The following RNFT2 variants were observed in gnomAD, a reference collection of about 807,000 sequenced individuals.
RNFT2 encodes ring finger protein, transmembrane 2, also known as E3 ubiquitin-protein ligase RNFT2.
RNFT2 carries 36 observed loss-of-function variants against 53.0 expected under a neutral mutation model. The observed-to-expected ratio is 0.68, with a 90% CI of 0.52 to 0.90. RNFT2 has a LOEUF of 0.90. RNFT2 is among the 40% of genes least tolerant of loss of function. RNFT2 has a pLI of 0.00. For missense variants in RNFT2, 514 were observed against 585.6 expected (o/e 0.88, Z 1.26); for synonymous variants, 260 against 253.2 (o/e 1.03, Z -0.26).
At chr12:116,749,794 T>C in intron 3 of RNFT2, 47 bp from the exon 4 acceptor site, 1 of 1,523,698 alleles carries the variant, frequency 6.6e-7, no homozygotes, top group Non-Finnish European at 8.9e-7. Context: ...AGTAAGGTCT[T>C]TTCCATCTGC....
chr12:116,802,428 G>A (rs1034785872), intron 7 of RNFT2, among the ~76,000 whole-genome samples: 1 of 152,160 alleles, frequency 6.6e-6, no homozygotes, highest in Non-Finnish European at 1.5e-5. Flanking sequence ...CATTGTCTGT[G>A]ACTTTCACTG....
intron 7 of RNFT2, among the ~76,000 whole-genome samples, chr12:116,789,422 G>C (rs1295300856): frequency 3.3e-5 from 5 of 149,348 alleles, no homozygotes; most frequent in Non-Finnish European, 5.9e-5. Context: ...GTAGGAGAGT[G>C]GTGGGTGGAT....
intron 7 of RNFT2, among the ~76,000 whole-genome samples, chr12:116,794,126 A>G (rs1016631922): frequency 5.3e-5 from 8 of 152,182 alleles, no homozygotes; most frequent in Admixed American, 2.0e-4. Flanking sequence ...GTATCCAAGC[A>G]TAGTGTCATG....
intron 10 of RNFT2, among the ~76,000 whole-genome samples, chr12:116,848,425 C>A (rs1422847902): frequency 6.6e-6 from 1 of 152,134 alleles, no homozygotes; most frequent in Non-Finnish European, 1.5e-5. Flanking sequence ...CATATCAGGT[C>A]ACTCCTCTGC....
rs1408163866 is a variant in RNFT2 at position 116,750,313 on chromosome 12, T to C, written c.550+6T>C. ...GTGCTTTCAGCATAAGCTCGGTGAG[T>C]TCTGGGGGCATGGGTGTCCTAGCCA... On this transcript the variant is annotated splice_donor_region_variant and intron_variant, in intron 4 of 10. Transcript: ENST00000257575. 2 of 1,592,178 alleles carry C rather than the reference T, an allele frequency of 1.3e-6. No homozygotes were observed. Among genetic ancestry groups the C allele is most frequent in the Admixed American group, 3.4e-5 (2 of 58,806 alleles).
In RNFT2 at chr12:116,782,079, C is replaced by CAAAAAAAAAAAGAAAAAAAAA. The variant is rs1873735985; in HGVS notation, c.882+2742_882+2743insGAAAAAAAAAAAAAAAAAAAA. On this transcript the variant is annotated intron_variant, in intron 7 of 10. Transcript: ENST00000257575. The stretch of plus-strand genomic sequence containing the variant: ...GGGCGACAGAGCGAGACTCCGTCTC[C>CAAAAAAAAAAAGAAAAAAAAA]AAAAAAAAAAAAAAATGTGGACATC... The CAAAAAAAAAAAGAAAAAAAAA allele has an allele frequency of 5.8e-5, 2 of 34,348 alleles. 1 individual carries two copies. Among genetic ancestry groups the CAAAAAAAAAAAGAAAAAAAAA allele is most frequent in the Non-Finnish European group, 1.1e-4 (2 of 18,708 alleles). The allele number at this position is 34,348 out of a possible 1,614,324, so 2.1% of individuals were successfully genotyped here.
In RNFT2 at chr12:116,753,148, C is replaced by CTTTTTTTTTTTTTTT. The variant is rs11377177; in HGVS notation, c.551-830_551-816dup. The stretch of plus-strand genomic sequence containing the variant: ...TTTTTTCTTTTTCTTTTTTCTTTTT[C>CTTTTTTTTTTTTTTT]TTTTTTTTTTTTTTTTTTTTGAGAC... On this transcript the variant is annotated intron_variant, in intron 4 of 10. Coordinates refer to ENST00000257575, the MANE Select transcript of RNFT2 (RefSeq NM_001382266.1). Among the ~76,000 whole-genome samples, 150 of 93,672 alleles carry CTTTTTTTTTTTTTTT rather than the reference C, an allele frequency of 1.6e-3. 2 individuals are homozygous for CTTTTTTTTTTTTTTT. The highest frequency in any genetic ancestry group is 2.3e-3 in the African/African-American group (52 of 22,748). The allele number at this position is 93,672 out of a possible 152,430, so 61.5% of individuals were successfully genotyped here.
chr12:116,786,401 G>C (rs879786232), intron 7 of RNFT2, among the ~76,000 whole-genome samples: 1 of 152,094 alleles, frequency 6.6e-6, no homozygotes, highest in Admixed American at 6.6e-5. Context: ...ATGAGCCACC[G>C]CGCCCGGCCG....
At chr12:116,756,396 A>C (rs1469642168) in intron 5 of RNFT2, among the ~76,000 whole-genome samples, 1 of 152,068 alleles carries the variant, frequency 6.6e-6, no homozygotes, top group African/African-American at 2.4e-5. Flanking sequence ...CCGTTGGTGT[A>C]TAAAAGAGCT....
chr12:116,749,095 A>AC (rs1325685946), intron 3 of RNFT2, among the ~76,000 whole-genome samples: 3 of 152,110 alleles, frequency 2.0e-5, no homozygotes, highest in African/African-American at 7.2e-5. Context: ...AAAGTACCAC[A>AC]CCCCAGGGGG....
intron 6 of RNFT2, 139 bp downstream of exon 6, chr12:116,767,053 T>C: frequency 3.3e-6 from 2 of 604,520 alleles, no homozygotes; most frequent in Non-Finnish European, 6.0e-6. Flanking sequence ...CTGTTACTAC[T>C]TATATATATC....
At chr12:116,811,074 A>G (rs987560) in intron 7 of RNFT2, among the ~76,000 whole-genome samples, 140,414 of 152,148 alleles carry the variant, frequency 0.92, 64,821 homozygotes, top group East Asian at 0.94. Context: ...TCCCTTCTCC[A>G]TGCCTCAGTT....
At chr12:116,741,243 G>A (rs1344704156) in intron 3 of RNFT2, 149 bp downstream of exon 3, 1 of 660,370 alleles carries the variant, frequency 1.5e-6, no homozygotes, top group Non-Finnish European at 2.7e-6. Context: ...ACGCATAATA[G>A]CTTGCTCTTT....
Position 116,791,486 on chromosome 12 carries a change from A to G in RNFT2, c.882+12138A>G, listed in dbSNP as rs147718121. On this transcript the variant is annotated intron_variant, in intron 7 of 10. Coordinates refer to ENST00000257575, the MANE Select transcript of RNFT2 (RefSeq NM_001382266.1). ...GCCACCAGGCCTGGCTAATGTTTGT[A>G]TTTTAGAGAGATGGGGTTTCGCCAT... Among the ~76,000 whole-genome samples the G allele has an allele frequency of 1.2e-4, 18 of 152,032 alleles. No homozygotes were observed. In the East Asian group the frequency reaches 3.3e-3, roughly 28 times the overall value.
Position 116,833,821 on chromosome 12 carries a change from G to A in RNFT2, c.912G>A (p.Leu304=), listed in dbSNP as rs1018325903. The change falls in exon 8 of 11, where the codon CTG becomes CTA. Residue 304 remains leucine, a synonymous_variant. Coordinates refer to ENST00000257575, the MANE Select transcript of RNFT2 (RefSeq NM_001382266.1). ...KGKFYLVIEE[L]SQLFRSLVPI... ...AGTTCTATCTGGTCATCGAGGAGCT[G>A]AGCCAGCTGTTCCGATCCCTTGTCC... 1.2e-6 allele frequency: 2 copies of A among 1,613,246 alleles called. No individual in the cohort carries two copies. Among genetic ancestry groups the A allele is most frequent in the Admixed American group, 1.7e-5 (1 of 59,970 alleles).
chr12:116,776,150 T>C (rs1431413007), intron 6 of RNFT2, among the ~76,000 whole-genome samples: 6 of 152,136 alleles, frequency 3.9e-5, no homozygotes. Context: ...TAGAAATGAT[T>C]GGACTTGATG....
intron 7 of RNFT2, among the ~76,000 whole-genome samples, chr12:116,787,394 G>A (rs11068187): frequency 0.089 from 13,578 of 152,174 alleles, 1,691 homozygotes; most frequent in African/African-American, 0.28. Flanking sequence ...TAACAGTAGC[G>A]TTCTTTAGAT....
rs1055855854 is a variant in RNFT2, at chr12:116,824,873, T to G, written c.883-8919T>G. 2.0e-5 allele frequency among the ~76,000 whole-genome samples: 3 copies of G among 152,184 alleles called. No homozygotes were observed. The South Asian group carries it at 6.2e-4, about 32-fold the overall frequency. On this transcript the variant is annotated intron_variant, in intron 7 of 10. Transcript: ENST00000257575. ...AGGGCTTCAACAAAGGAACTTGAGG[T>G]GGGCACAGTTCAGTCTATAGCACCA...
In RNFT2 at chr12:116,766,929, C is replaced by T. The variant is rs754947352; in HGVS notation, c.728+15C>T. ...CTGTACAACAGGTGAGCATGGGAATCCAACCCCCACGGTGGGAGAGTGGGG... is the reference window on the plus strand; with the variant it reads ...CTGTACAACAGGTGAGCATGGGAATTCAACCCCCACGGTGGGAGAGTGGGG... On this transcript the variant is annotated intron_variant, in intron 6 of 10. Transcript: ENST00000257575. 99 of 1,554,454 alleles carry T rather than the reference C, an allele frequency of 6.4e-5. No individual in the cohort carries two copies. Among genetic ancestry groups the T allele is most frequent in the Admixed American group, 7.6e-5 (4 of 52,364 alleles).
Sources: allele counts gnomAD v4.1 joint callset (sites outside exome capture counted in the v4.1 genomes callset), GRCh38; gene constraint gnomAD v4.1.1; transcripts MANE v1.5; gene names NCBI Gene and HGNC (gene_info 2026-07-23, HGNC 2026-07-21).